The following ANKS1A variants were observed in gnomAD, a reference collection of about 807,000 sequenced individuals.
ANKS1A encodes the protein ankyrin repeat and sterile alpha motif domain containing 1A, also known as ankyrin repeat and SAM domain-containing protein 1A.
A neutral mutation model predicts 120.3 loss-of-function variants in ANKS1A; 55 were observed. The observed-to-expected ratio is 0.46, with a 90% CI of 0.37 to 0.57. ANKS1A has a LOEUF of 0.57. ANKS1A is among the 20% of genes least tolerant of loss of function. The pLI, the probability that ANKS1A is intolerant of heterozygous loss-of-function variation, is 0.00. For missense variants in ANKS1A, 1,123 were observed against 1,480.3 expected, an observed-to-expected ratio of 0.76 and a Z score of 3.96; for synonymous variants, 590 against 604.7, an observed-to-expected ratio of 0.98 and a Z score of 0.36.
intron 3 of ANKS1A, among the ~76,000 whole-genome samples, chr6:34,971,009 A>G (rs1183218921): frequency 6.6e-6 from 1 of 152,228 alleles, no homozygotes; most frequent in African/African-American, 2.4e-5. Flanking sequence ...CCCTGTCTCA[A>G]AAGTAAAAGT....
intron 11 of ANKS1A, among the ~76,000 whole-genome samples, chr6:35,026,516 TTGA>T (rs10576980): frequency 0.66 from 100,066 of 151,538 alleles, 35,854 homozygotes; most frequent in East Asian, 0.86. Flanking sequence ...TAGTATGTAG[TTGA>T]TGATGGGAGT....
chr6:34,974,536 T>C (rs948401459), intron 3 of ANKS1A, among the ~76,000 whole-genome samples: 3 of 152,018 alleles, frequency 2.0e-5, no homozygotes, highest in African/African-American at 7.2e-5. Flanking sequence ...AATAGGAAGA[T>C]ACTCTTATCT....
At chr6:34,973,424 C>T (rs1256419826) in intron 3 of ANKS1A, among the ~76,000 whole-genome samples, 4 of 152,226 alleles carry the variant, frequency 2.6e-5, no homozygotes, top group Non-Finnish European at 5.9e-5. Context: ...TTTACCACAT[C>T]TGAGCAGCAG....
intron 1 of ANKS1A, among the ~76,000 whole-genome samples, chr6:34,941,184 C>T (rs1402201194): frequency 4.6e-5 from 7 of 152,030 alleles, no homozygotes; most frequent in African/African-American, 1.4e-4. Context: ...GACAGGGTTT[C>T]ACCATGTTGG....
chr6:34,947,441 C>T (rs955552147), intron 1 of ANKS1A, among the ~76,000 whole-genome samples: 1 of 152,092 alleles, frequency 6.6e-6, no homozygotes, highest in African/African-American at 2.4e-5. Context: ...GCCACCATGC[C>T]CAGCCTATAC....
intron 8 of ANKS1A, among the ~76,000 whole-genome samples, chr6:34,988,068 A>G (rs373940866): frequency 3.9e-5 from 6 of 152,370 alleles, no homozygotes; most frequent in East Asian, 1.9e-4. Context: ...TTGTTTACCC[A>G]TGATCTAACT....
chr6:35,002,485 T>C (rs1773225811), intron 10 of ANKS1A, among the ~76,000 whole-genome samples: 1 of 152,244 alleles, frequency 6.6e-6, no homozygotes, highest in African/African-American at 2.4e-5. Context: ...GTTCCCAGTA[T>C]ATACATCAAG....
At chr6:35,042,963 T>C (rs1475153610) in intron 11 of ANKS1A, among the ~76,000 whole-genome samples, 22 of 152,260 alleles carry the variant, frequency 1.4e-4, no homozygotes, top group African/African-American at 4.1e-4. Context: ...CATTGGTTCC[T>C]AGCTCAGACA....
At chr6:34,916,472 T>G (rs757166118) in intron 1 of ANKS1A, among the ~76,000 whole-genome samples, 5 of 152,214 alleles carry the variant, frequency 3.3e-5, no homozygotes, top group Non-Finnish European at 7.3e-5. Context: ...GAGACTGCTG[T>G]AGAAGAAAAA....
At chr6:34,902,142 T>C (rs1273733320) in intron 1 of ANKS1A, among the ~76,000 whole-genome samples, 1 of 152,216 alleles carries the variant, frequency 6.6e-6, no homozygotes, top group East Asian at 1.9e-4. Flanking sequence ...ATCAGCAGTC[T>C]CTCTTGCCAT....
chr6:34,989,128 A>AT (rs1348768200), intron 8 of ANKS1A, 96 bp from the exon 9 acceptor site: 5 of 1,138,174 alleles, frequency 4.4e-6, no homozygotes, highest in South Asian at 4.3e-5. Context: ...TCCATACATT[A>AT]TTTTTTTCAT....
chr6:34,934,155 T>C (rs986484336), intron 1 of ANKS1A, among the ~76,000 whole-genome samples: 36 of 152,130 alleles, frequency 2.4e-4, no homozygotes, highest in African/African-American at 8.4e-4. Context: ...TTTATTTATT[T>C]ATTTATTTTG....
intron 11 of ANKS1A, among the ~76,000 whole-genome samples, chr6:35,045,841 G>A (rs532872408): frequency 1.5e-4 from 23 of 152,284 alleles, no homozygotes; most frequent in African/African-American, 5.1e-4. Context: ...AAAGAACCCA[G>A]CCCAGGACCT....
intron 1 of ANKS1A, among the ~76,000 whole-genome samples, chr6:34,892,968 A>G (rs1460216909): frequency 2.0e-5 from 3 of 152,224 alleles, no homozygotes; most frequent in Non-Finnish European, 4.4e-5. Context: ...GGAACAGTAT[A>G]GCATTATACT....
intron 13 of ANKS1A, among the ~76,000 whole-genome samples, chr6:35,069,786 G>A (rs1301548103): frequency 2.0e-5 from 3 of 151,952 alleles, no homozygotes; most frequent in Non-Finnish European, 4.4e-5. Context: ...CAGCACTTTG[G>A]GAGGCCGAGG....
Position 35,086,494 on chromosome 6 carries a change from C to T in ANKS1A, c.3304-458C>T, listed in dbSNP as rs983376648. ...TCCCCTCTTCCTGAGATGCCCTCTG[C>T]CTGTTCTGTGTGTGCTTCAGCCCTC... On this transcript the variant is annotated intron_variant, in intron 22 of 23. Coordinates refer to ENST00000360359, the MANE Select transcript of ANKS1A (RefSeq NM_015245.3). This position sits in a 1 kb window ranked among gnomAD's most constrained non-coding sequence, Gnocchi z 5.1. 29 of 593,014 alleles carry T rather than the reference C, an allele frequency of 4.9e-5. No individual in the cohort carries two copies. The Middle Eastern group carries it at 1.5e-3, about 31-fold the overall frequency. The allele number at this position is 593,014 out of a possible 1,614,324, so 36.7% of individuals were successfully genotyped here.
At chr6:34,957,167 CTG>C in intron 1 of ANKS1A, among the ~76,000 whole-genome samples, 1 of 152,250 alleles carries the variant, frequency 6.6e-6, no homozygotes, top group South Asian at 2.1e-4. Flanking sequence ...TGTTTTTACT[CTG>C]TTTTTAATGG....
intron 11 of ANKS1A, among the ~76,000 whole-genome samples, chr6:35,031,169 C>G (rs2127569905): frequency 6.6e-6 from 1 of 152,172 alleles, no homozygotes; most frequent in South Asian, 2.1e-4. Context: ...TGTTTGTTGC[C>G]TTTTAAAGCT....
intron 1 of ANKS1A, among the ~76,000 whole-genome samples, chr6:34,909,448 A>T (rs368113390): frequency 3.3e-5 from 5 of 152,224 alleles, no homozygotes; most frequent in African/African-American, 1.2e-4. Context: ...ATGATCAAAG[A>T]ACATCAGTTA....
Sources: gnomAD v4.1 joint callset for allele counts (sites outside exome capture counted in the v4.1 genomes callset) on GRCh38, gnomAD v4.1.1 for gene constraint, Gnocchi (gnomAD v3.1) non-coding constraint, MANE v1.5 for transcripts, NCBI Gene and HGNC (gene_info 2026-07-23, HGNC 2026-07-21) for gene names.